IGF1R: variants seen among roughly 807,000 people sequenced by gnomAD.
IGF1R encodes the protein insulin-like growth factor 1 receptor.
IGF1R carries 44 observed loss-of-function variants against 144.6 expected under a neutral mutation model. The observed-to-expected ratio is 0.30, with a 90% CI of 0.24 to 0.39. The LOEUF is 0.39. Among genes scored for constraint, IGF1R ranks in the 10% least tolerant of loss-of-function variants. The pLI is 1.00. For missense variants in IGF1R, 1,355 were observed against 1,833.7 expected (o/e 0.74, Z 4.77); for synonymous variants, 795 against 722.8 (o/e 1.10, Z -1.60).
intron 2 of IGF1R, among the ~76,000 whole-genome samples, chr15:98,886,427 T>G (rs1354508963): frequency 6.6e-6 from 1 of 152,198 alleles, no homozygotes. Flanking sequence ...TGGGCCTTTG[T>G]TTTTATTGTT....
intron 3 of IGF1R, among the ~76,000 whole-genome samples, chr15:98,893,297 A>G (rs908999136): frequency 2.0e-5 from 3 of 152,350 alleles, no homozygotes; most frequent in Admixed American, 6.5e-5. Context: ...CTTTTATAGT[A>G]TTAGATGTAG....
intron 2 of IGF1R, among the ~76,000 whole-genome samples, chr15:98,831,710 G>T (rs573325472): frequency 6.6e-6 from 1 of 152,340 alleles, no homozygotes; most frequent in East Asian, 1.9e-4. Context: ...GGTATTGGGG[G>T]TGTAGGAGTA....
intron 1 of IGF1R, among the ~76,000 whole-genome samples, chr15:98,705,307 G>A (rs984749768): frequency 9.2e-5 from 14 of 152,156 alleles, no homozygotes; most frequent in Admixed American, 4.6e-4. Flanking sequence ...GGAGCTATTC[G>A]GTGTCATAAT....
At chr15:98,736,605 TTTTTCTTTTTTC>T (rs2054613853) in intron 2 of IGF1R, among the ~76,000 whole-genome samples, 3 of 148,802 alleles carry the variant, frequency 2.0e-5, no homozygotes, top group African/African-American at 7.6e-5. Flanking sequence ...AATATTTTCT[TTTTTCTTTTTTC>T]TTTTTTTTTT....
rs2017254904 is a variant in IGF1R, at chr15:98,962,236, C to T, written c.*4794C>T. 4.3e-6 allele frequency: 1 copy of T among 233,246 alleles called. No homozygotes were observed. Among genetic ancestry groups the T allele is most frequent in the South Asian group, 1.8e-4 (1 of 5,532 alleles). The allele number at this position is 233,246 out of a possible 1,614,324, so 14.4% of individuals were successfully genotyped here. ...GCCACTCCCTTCTAAAACACAGGCG[C>T]CCTCCTGGTGACAGTGACCCGCCGT... On this transcript the variant is annotated 3_prime_UTR_variant, in exon 21 of 21. Transcript: ENST00000650285.
At chr15:98,719,467 G>A (rs1487099909) in intron 2 of IGF1R, among the ~76,000 whole-genome samples, 1 of 152,182 alleles carries the variant, frequency 6.6e-6, no homozygotes, top group Non-Finnish European at 1.5e-5. Flanking sequence ...GCTGAGGGGG[G>A]AAAAAGATCC....
chr15:98,718,568 T>G (rs2054175485), intron 2 of IGF1R, among the ~76,000 whole-genome samples: 1 of 152,158 alleles, frequency 6.6e-6, no homozygotes, highest in Admixed American at 6.5e-5. Flanking sequence ...CTTGTGCCCA[T>G]GGGGCCCCTG....
intron 2 of IGF1R, among the ~76,000 whole-genome samples, chr15:98,712,304 A>G (rs2054011145): frequency 1.3e-5 from 2 of 152,118 alleles, no homozygotes; most frequent in South Asian, 4.1e-4. Flanking sequence ...ATATCAGACC[A>G]CCACGAGCAT....
chr15:98,855,277 C>T (rs566528087), intron 2 of IGF1R, among the ~76,000 whole-genome samples: 6 of 152,342 alleles, frequency 3.9e-5, no homozygotes, highest in African/African-American at 7.2e-5. Context: ...TCCACTTCAG[C>T]GCTCTCAGCC....
At chr15:98,859,847 T>C (rs1042823232) in intron 2 of IGF1R, among the ~76,000 whole-genome samples, 4 of 152,206 alleles carry the variant, frequency 2.6e-5, no homozygotes, top group African/African-American at 9.6e-5. Context: ...TGGTCTTCTG[T>C]ACTGTATATT....
rs1309367373 is a variant in IGF1R at position 98,923,788 on chromosome 15, A to G, written c.2486-88A>G. 3 of 1,037,844 alleles carry G rather than the reference A, an allele frequency of 2.9e-6. No homozygotes were observed. The African/African-American group carries it at 4.7e-5, about 16-fold the overall frequency. 64.3% of individuals were successfully genotyped at this position (1,037,844 alleles called of 1,614,324 possible). Reference sequence around the variant, plus strand: ...GATCTCCACTGTCCTGCCCGTGTGGATGGGGGGGTTATTCTCAGGTCAGCC... The same window carrying G: ...GATCTCCACTGTCCTGCCCGTGTGGGTGGGGGGGTTATTCTCAGGTCAGCC... On this transcript the variant is annotated intron_variant, in intron 11 of 20. Transcript: ENST00000650285.
intron 2 of IGF1R, among the ~76,000 whole-genome samples, chr15:98,848,726 C>A (rs2011429756): frequency 6.6e-6 from 1 of 152,044 alleles, no homozygotes. Flanking sequence ...CCCTTTGATT[C>A]CCCCCCATCC....
In IGF1R at chr15:98,878,838, T is replaced by C. The variant is rs540484045; in HGVS notation, c.641-12487T>C. Among the ~76,000 whole-genome samples, 25 of 151,876 alleles carry C rather than the reference T, an allele frequency of 1.6e-4. No individual in the cohort carries two copies. In the East Asian group the frequency reaches 4.6e-3, roughly 28 times the overall value. On this transcript the variant is annotated intron_variant, in intron 2 of 20. Transcript: ENST00000650285. ...AAACCAACCCCGTCTCTACTAAAAA[T>C]ACAAAAAATTAGCTGGGCGTGGTGG... is the stretch of plus-strand genomic sequence containing the variant.
chr15:98,780,606 A>C (rs2055839895), intron 2 of IGF1R, among the ~76,000 whole-genome samples: 1 of 150,674 alleles, frequency 6.6e-6, no homozygotes, highest in Admixed American at 6.6e-5. Context: ...TTGTAAGGTG[A>C]ATATGTTATC....
intron 2 of IGF1R, among the ~76,000 whole-genome samples, chr15:98,830,605 C>CTTTTTTT (rs60426791): frequency 0.025 from 3,403 of 135,820 alleles, 190 homozygotes; most frequent in African/African-American, 0.09. Context: ...TGATCATCAT[C>CTTTTTTT]TTTTTTTTTT....
Position 98,916,664 on chromosome 15 carries a change from C to A in IGF1R, c.1997-8C>A, listed in dbSNP as rs767356585. 4.3e-5 allele frequency: 70 copies of A among 1,613,492 alleles called. No homozygotes were observed. Among genetic ancestry groups the A allele is most frequent in the Non-Finnish European group, 5.8e-5 (69 of 1,179,622 alleles). ...CCACTCTTGTTTTGGCTTTTCTTTT[C>A]CGAGAAGACAAAATCCCCATCAGGA... On this transcript the variant is annotated splice_region_variant and splice_polypyrimidine_tract_variant and intron_variant, in intron 9 of 20. Coordinates refer to ENST00000650285, the MANE Select transcript of IGF1R (RefSeq NM_000875.5).
Position 98,916,045 on chromosome 15 carries a change from C to G in IGF1R, c.1910C>G (p.Pro637Arg). ...LIVKWNPPSL[P>R]NGNLSYYIVR... ...GTGAAGTGGAACCCTCCCTCTCTGC[C>G]CAACGGCAACCTGAGTTACTACATT... The change falls in exon 9 of 21, where the codon CCC becomes CGC. Residue 637 changes from proline to arginine, a missense_variant. Coordinates refer to ENST00000650285, the MANE Select transcript of IGF1R (RefSeq NM_000875.5). The G allele has an allele frequency of 6.2e-7, 1 of 1,614,184 alleles. No individual in the cohort carries two copies. The highest frequency in any genetic ancestry group is 8.5e-7 in the Non-Finnish European group (1 of 1,180,012).
intron 2 of IGF1R, among the ~76,000 whole-genome samples, chr15:98,835,280 A>G (rs2057079383): frequency 6.6e-6 from 1 of 152,102 alleles, no homozygotes; most frequent in Non-Finnish European, 1.5e-5. Flanking sequence ...TACAACTAGC[A>G]CACTTGTTGC....
At chr15:98,937,542 G>A (rs1347692270) in intron 17 of IGF1R, among the ~76,000 whole-genome samples, 2 of 152,164 alleles carry the variant, frequency 1.3e-5, no homozygotes, top group Non-Finnish European at 2.9e-5. Flanking sequence ...CTCATGTCAA[G>A]TATTAAAATG....
Sources: allele counts gnomAD v4.1 joint callset (sites outside exome capture counted in the v4.1 genomes callset), GRCh38; gene constraint gnomAD v4.1.1; transcripts MANE v1.5; gene names NCBI Gene and HGNC (gene_info 2026-07-23, HGNC 2026-07-21).